CCBE1: variants seen among roughly 807,000 people sequenced by gnomAD.
The protein encoded by CCBE1 is collagen and calcium-binding EGF domain-containing protein 1.
A neutral mutation model predicts 50.0 loss-of-function variants in CCBE1; 37 were observed. The ratio of observed to expected loss-of-function variants is 0.74; its 90% CI spans 0.57 to 0.97. The LOEUF is 0.97. CCBE1 is among the 50% of genes least tolerant of loss of function. CCBE1 has a pLI of 0.00. For missense variants in CCBE1, 538 were observed against 523.8 expected (o/e 1.03, Z -0.26); for synonymous variants, 234 against 203.7 (o/e 1.15, Z -1.27).
intron 10 of CCBE1, among the ~76,000 whole-genome samples, chr18:59,436,361 T>C (rs1380591801): frequency 6.6e-6 from 1 of 152,160 alleles, no homozygotes; most frequent in Non-Finnish European, 1.5e-5. Context: ...TCACCTTTCC[T>C]CCCTCCTAAC....
chr18:59,482,420 T>G (rs981168139), intron 2 of CCBE1, among the ~76,000 whole-genome samples: 2 of 152,206 alleles, frequency 1.3e-5, no homozygotes, highest in Non-Finnish European at 2.9e-5. Context: ...AGAAATACTG[T>G]TTGACTCAGC....
At chr18:59,685,952 C>T (rs1056846684) in intron 2 of CCBE1, 2 of 152,048 alleles carry the variant, frequency 1.3e-5, no homozygotes, top group Non-Finnish European at 2.9e-5. Context: ...TTGCTGTGAA[C>T]AGAATAGTTT....
At position 59,667,068 on chromosome 18, in the gene CCBE1, G is replaced by A. The variant is rs569030995; in HGVS notation, c.212+29561C>T. On this transcript the variant is annotated intron_variant, in intron 2 of 10. Coordinates refer to ENST00000439986, the MANE Select transcript of CCBE1 (RefSeq NM_133459.4). ...GTGGGAGGATTGCTTGAGGCCAGGA[G>A]TTTGAGACCAGCCTGGGCAACATAG... Among the ~76,000 whole-genome samples, 105 of 152,156 alleles carry A rather than the reference G, an allele frequency of 6.9e-4. 2 individuals are homozygous for A. The highest frequency in any genetic ancestry group is 2.4e-3 in the African/African-American group (98 of 41,512).
chr18:59,503,164 G>A (rs1477904589), intron 2 of CCBE1, among the ~76,000 whole-genome samples: 3 of 152,192 alleles, frequency 2.0e-5, no homozygotes, highest in Admixed American at 1.3e-4. Context: ...CAGGGAGTGA[G>A]CAATGAAAAC....
At chr18:59,477,305 C>T (rs1279635370) in intron 3 of CCBE1, among the ~76,000 whole-genome samples, 1 of 152,184 alleles carries the variant, frequency 6.6e-6, no homozygotes, top group Non-Finnish European at 1.5e-5. Flanking sequence ...CAACTCAATT[C>T]AGGCAGGGCT....
At chr18:59,499,003 A>T (rs598276) in intron 2 of CCBE1, among the ~76,000 whole-genome samples, 5,033 of 152,292 alleles carry the variant, frequency 0.033, 277 homozygotes, top group African/African-American at 0.11. Context: ...AAGAGCAAAT[A>T]GTGCCATGTG....
chr18:59,531,456 C>A (rs1426119499), intron 2 of CCBE1, among the ~76,000 whole-genome samples: 2 of 151,928 alleles, frequency 1.3e-5, no homozygotes, highest in East Asian at 3.9e-4. Context: ...AAATTTTGTC[C>A]CCAGGAACAA....
intron 6 of CCBE1, among the ~76,000 whole-genome samples, chr18:59,451,126 C>A (rs566396752): frequency 1.3e-5 from 2 of 152,138 alleles, no homozygotes; most frequent in Non-Finnish European, 2.9e-5. Context: ...GAATCCTCTC[C>A]GTAGTGTTTT....
At chr18:59,502,762 G>A (rs888303255) in intron 2 of CCBE1, among the ~76,000 whole-genome samples, 2 of 152,112 alleles carry the variant, frequency 1.3e-5, no homozygotes, top group African/African-American at 2.4e-5. Flanking sequence ...ATGTCAGAGC[G>A]GAGCTTTAAG....
chr18:59,637,547 G>T (rs73961284), intron 2 of CCBE1, among the ~76,000 whole-genome samples: 1 of 151,614 alleles, frequency 6.6e-6, no homozygotes, highest in Admixed American at 6.6e-5. Flanking sequence ...GGTGTACAAA[G>T]GAATGAAAAA....
intron 2 of CCBE1, among the ~76,000 whole-genome samples, chr18:59,507,179 A>G (rs1259351299): frequency 6.6e-6 from 1 of 152,124 alleles, no homozygotes; most frequent in Non-Finnish European, 1.5e-5. Flanking sequence ...CAAAACCAAC[A>G]TCCTCCTTGC....
At chr18:59,466,374 C>T (rs571734559) in intron 5 of CCBE1, among the ~76,000 whole-genome samples, 18 of 152,098 alleles carry the variant, frequency 1.2e-4, no homozygotes, top group African/African-American at 4.1e-4. Flanking sequence ...GTAAGACGTG[C>T]CTTTGCTCCT....
chr18:59,697,120 G>A (rs2054818706), intron 1 of CCBE1, 92 bp downstream of exon 1: 1 of 1,508,682 alleles, frequency 6.6e-7, no homozygotes, highest in African/African-American at 1.4e-5. Context: ...GGATCGCTGT[G>A]GGAGTGGGCG....
At chr18:59,529,582 C>T (rs1474760724) in intron 2 of CCBE1, among the ~76,000 whole-genome samples, 1 of 152,206 alleles carries the variant, frequency 6.6e-6, no homozygotes, top group African/African-American at 2.4e-5. Flanking sequence ...CTCACTGCCT[C>T]CCTTGGCTGG....
Position 59,431,922 on chromosome 18 carries a change from G to T in CCBE1, c.*3986C>A, listed in dbSNP as rs1909958917. 1.3e-5 allele frequency: 2 copies of T among 152,194 alleles called. No homozygotes were observed. The highest frequency in any genetic ancestry group is 4.8e-5 in the African/African-American group (2 of 41,416). 9.4% of individuals were successfully genotyped at this position (152,194 alleles called of 1,614,324 possible). A position where few individuals can be genotyped will look rare whatever the true frequency, so the allele number is the denominator to read the frequency against. On this transcript the variant is annotated 3_prime_UTR_variant, in exon 11 of 11. Transcript: ENST00000439986. ...CTCCCTCTGGAACTGGGAAGGGAGGGGGGTTTCCTAAACTAAAATGCATGC... is the reference window on the plus strand; with the variant it reads ...CTCCCTCTGGAACTGGGAAGGGAGGTGGGTTTCCTAAACTAAAATGCATGC...
intron 5 of CCBE1, 47 bp from the exon 6 acceptor site, chr18:59,454,998 G>T: frequency 1.4e-6 from 2 of 1,459,134 alleles, no homozygotes; most frequent in Non-Finnish European, 1.9e-6. Flanking sequence ...CTGGATGCAA[G>T]CCAGACCCAG....
At chr18:59,477,433 T>C (rs1912360794) in intron 3 of CCBE1, among the ~76,000 whole-genome samples, 2 of 152,224 alleles carry the variant, frequency 1.3e-5, no homozygotes, top group South Asian at 4.1e-4. Flanking sequence ...TGGTAGAAGG[T>C]GGCAGGTTAC....
chr18:59,685,361 T>C lies in CCBE1; in HGVS notation c.212+11268A>G, dbSNP rs545070743. Among the ~76,000 whole-genome samples, 5 of 151,974 alleles carry C rather than the reference T, an allele frequency of 3.3e-5. No individual in the cohort carries two copies. In the East Asian group the frequency reaches 7.7e-4, roughly 23 times the overall value. On this transcript the variant is annotated intron_variant, in intron 2 of 10. Coordinates refer to ENST00000439986, the MANE Select transcript of CCBE1 (RefSeq NM_133459.4). ...ACCACCCCACACAGAATGGAAAGGG[T>C]CTAACAAATGAAGGATTGGAGACAC... is the stretch of plus-strand genomic sequence containing the variant.
intron 2 of CCBE1, among the ~76,000 whole-genome samples, chr18:59,529,592 G>A (rs969145065): frequency 6.6e-6 from 1 of 152,200 alleles, no homozygotes; most frequent in African/African-American, 2.4e-5. Flanking sequence ...CCCTTGGCTG[G>A]GGGTGGGGTG....
Sources: allele counts gnomAD v4.1 joint callset (sites outside exome capture counted in the v4.1 genomes callset), GRCh38; gene constraint gnomAD v4.1.1; transcripts MANE v1.5; gene names NCBI Gene and HGNC (gene_info 2026-07-23, HGNC 2026-07-21).